Variants in CADM2 observed in about 807,000 individuals in gnomAD.
CADM2 encodes the protein cell adhesion molecule 2, also known as immunoglobulin superfamily member 4D.
CADM2 carries 12 observed loss-of-function variants against 49.8 expected under a neutral mutation model. That is an observed-to-expected ratio of 0.24 (90% CI 0.15 to 0.39). CADM2 has a LOEUF of 0.39. Among genes scored for constraint, CADM2 ranks in the 10% least tolerant of loss-of-function variants. The pLI, the probability that CADM2 is intolerant of heterozygous loss-of-function variation, is 1.00. For missense variants in CADM2, 378 were observed against 492.3 expected, an observed-to-expected ratio of 0.77 and a Z score of 2.20; for synonymous variants, 214 against 175.4, an observed-to-expected ratio of 1.22 and a Z score of -1.74.
At chr3:85,374,144 C>T (rs995967038) in intron 1 of CADM2, among the ~76,000 whole-genome samples, 6 of 152,056 alleles carry the variant, frequency 3.9e-5, no homozygotes, top group African/African-American at 1.4e-4. Context: ...CCCTTTTAAA[C>T]ATAAGTTCCA....
At chr3:85,058,138 A>G (rs1214451170) in intron 1 of CADM2, among the ~76,000 whole-genome samples, 2 of 152,188 alleles carry the variant, frequency 1.3e-5, no homozygotes, top group Non-Finnish European at 2.9e-5. Context: ...AAACTATGGG[A>G]AAAGTTATTT....
chr3:85,886,263 C>T lies in CADM2; in HGVS notation c.465C>T (p.Cys155=), dbSNP rs146378586. Residue 155 remains cysteine (C), a synonymous_variant, in exon 5 of 10, where the codon TGC becomes TGT. Coordinates refer to ENST00000383699, the MANE Select transcript of CADM2 (RefSeq NM_001167675.2). The part of the protein sequence containing the change: ...VMEGDLMQLT[C]KTSGSKPAAD... ...AGGGTGACTTGATGCAGCTGACTTG[C>T]AAAACATCTGGTAGTAAACCTGCAG... 5.3e-3 allele frequency: 8,534 copies of T among 1,613,660 alleles called. 23 individuals carry two copies. The highest frequency in any genetic ancestry group is 6.7e-3 in the Non-Finnish European group (7,888 of 1,179,818).
At chr3:85,431,573 C>A (rs556798126) in intron 1 of CADM2, among the ~76,000 whole-genome samples, 1 of 151,368 alleles carries the variant, frequency 6.6e-6, no homozygotes, top group Admixed American at 6.6e-5. Flanking sequence ...CACAGTGAAG[C>A]AGCAAATTTG....
intron 7 of CADM2, among the ~76,000 whole-genome samples, chr3:85,956,120 G>A (rs976279271): frequency 2.6e-5 from 4 of 151,576 alleles, no homozygotes; most frequent in Non-Finnish European, 4.4e-5. Context: ...GTAAAGTGGC[G>A]TAACGTTATC....
rs1165539275 is a variant in CADM2 at position 85,491,865 on chromosome 3, TG to T, written c.62-234655del. ...TACTCCGGAGGCTGAGACAGGAGAA[TG>T]GCGTGAATCGGGCAGGCGGAGCTTG... is the stretch of plus-strand genomic sequence containing the variant. On this transcript the variant is annotated intron_variant, in intron 1 of 9. Coordinates refer to ENST00000383699, the MANE Select transcript of CADM2 (RefSeq NM_001167675.2). 2.7e-5 allele frequency among the ~76,000 whole-genome samples: 4 copies of T among 150,576 alleles called. No homozygotes were observed. In the East Asian group the frequency reaches 7.9e-4, roughly 30 times the overall value.
chr3:85,347,883 G>C (rs540859385), intron 1 of CADM2, among the ~76,000 whole-genome samples: 23 of 151,014 alleles, frequency 1.5e-4, no homozygotes, highest in Non-Finnish European at 2.7e-4. Context: ...TCTCCGCTCA[G>C]TGCAAGCTCC....
intron 8 of CADM2, among the ~76,000 whole-genome samples, chr3:86,040,067 C>A (rs1195173411): frequency 6.6e-6 from 1 of 152,072 alleles, no homozygotes; most frequent in Admixed American, 6.5e-5. Context: ...GACATCCACA[C>A]CGAAACCCCA....
At chr3:85,745,309 C>T (rs1484278493) in intron 2 of CADM2, among the ~76,000 whole-genome samples, 1 of 151,998 alleles carries the variant, frequency 6.6e-6, no homozygotes, top group South Asian at 2.1e-4. Flanking sequence ...AGTAATCATT[C>T]AACATTTTTA....
intron 1 of CADM2, among the ~76,000 whole-genome samples, chr3:85,430,612 C>A (rs1443699904): frequency 2.1e-5 from 1 of 47,730 alleles, no homozygotes; most frequent in Non-Finnish European, 3.9e-5. Flanking sequence ...AGAAAGGGGG[C>A]GGTGGGGGGG....
At chr3:85,470,546 G>T (rs113272815) in intron 1 of CADM2, among the ~76,000 whole-genome samples, 5 of 152,106 alleles carry the variant, frequency 3.3e-5, no homozygotes, top group African/African-American at 2.4e-5. Context: ...ATATGAATGG[G>T]TATCCTCCCA....
intron 1 of CADM2, among the ~76,000 whole-genome samples, chr3:85,352,647 T>G (rs907984315): frequency 6.6e-6 from 1 of 152,062 alleles, no homozygotes; most frequent in Non-Finnish European, 1.5e-5. Flanking sequence ...ACACTTACAG[T>G]GGTATAAGGG....
At chr3:85,780,976 G>A (rs961364680) in intron 2 of CADM2, among the ~76,000 whole-genome samples, 10 of 152,072 alleles carry the variant, frequency 6.6e-5, no homozygotes, top group African/African-American at 2.4e-4. Context: ...ATGAAATCAA[G>A]CCTAGTCACC....
chr3:85,298,731 A>C (rs1261959091), intron 1 of CADM2, among the ~76,000 whole-genome samples: 1 of 152,132 alleles, frequency 6.6e-6, no homozygotes, highest in Non-Finnish European at 1.5e-5. Context: ...TTTATGTAAA[A>C]ATAATGTTAA....
At chr3:85,275,467 A>C (rs949884326) in intron 1 of CADM2, among the ~76,000 whole-genome samples, 1 of 151,564 alleles carries the variant, frequency 6.6e-6, no homozygotes, top group African/African-American at 2.4e-5. Flanking sequence ...AACTAAATAC[A>C]TAGACATAGA....
At chr3:86,006,967 GAGATGGAAGTTGC>G (rs1730870602) in intron 8 of CADM2, among the ~76,000 whole-genome samples, 1 of 152,070 alleles carries the variant, frequency 6.6e-6, no homozygotes, top group Non-Finnish European at 1.5e-5. Context: ...CTTGAACCCG[GAGATGGAAGTTGC>G]AGTGGGCCGA....
At chr3:85,456,896 G>A (rs1265451892) in intron 1 of CADM2, among the ~76,000 whole-genome samples, 5 of 148,258 alleles carry the variant, frequency 3.4e-5, no homozygotes, top group Non-Finnish European at 5.9e-5. Context: ...AGCACTCATT[G>A]TCAGGCTGTT....
chr3:85,225,875 T>C lies in CADM2; in HGVS notation c.61+266207T>C, dbSNP rs141103808. Among the ~76,000 whole-genome samples the C allele has an allele frequency of 6.4e-3, 980 of 152,272 alleles. 14 individuals carry two copies. The highest frequency in any genetic ancestry group is 0.022 in the African/African-American group (915 of 41,560). ...TGAGTTAATCATGTGGTTTTTGTCA[T>C]TGTTTCTGTTTATGTGATGGATTAC... On this transcript the variant is annotated intron_variant, in intron 1 of 9. Transcript: ENST00000383699.
intron 1 of CADM2, among the ~76,000 whole-genome samples, chr3:85,583,226 T>C (rs2062846555): frequency 1.3e-5 from 2 of 152,170 alleles, no homozygotes; most frequent in Non-Finnish European, 2.9e-5. Flanking sequence ...TTTGTAAATT[T>C]GGGTCTCTGT....
chr3:85,772,947 A>G (rs555319353), intron 2 of CADM2, among the ~76,000 whole-genome samples: 3 of 149,530 alleles, frequency 2.0e-5, no homozygotes, highest in East Asian at 2.0e-4. Flanking sequence ...TAAAAATGTG[A>G]TCATTTTGCT....
Sources: allele counts gnomAD v4.1 joint callset (sites outside exome capture counted in the v4.1 genomes callset), GRCh38; gene constraint gnomAD v4.1.1; transcripts MANE v1.5; gene names NCBI Gene and HGNC (gene_info 2026-07-23, HGNC 2026-07-21).